The following EFNA5 variants were observed in gnomAD, a reference collection of about 807,000 sequenced individuals.
EFNA5 encodes ephrin A5.
A neutral mutation model predicts 22.9 loss-of-function variants in EFNA5; 5 were observed. The observed-to-expected ratio is 0.22, with a 90% CI of 0.11 to 0.46. The LOEUF (loss-of-function observed/expected upper bound fraction) is 0.46. Ranked by LOEUF, EFNA5 falls within the 20% of genes least tolerant of loss-of-function variation. The probability of loss-of-function intolerance (pLI) is 0.99; values close to 1 mark genes in which losing one functional copy is unlikely to be tolerated. For missense variants in EFNA5, 237 were observed against 293.3 expected (o/e 0.81, Z 1.40); for synonymous variants, 113 against 112.2 (o/e 1.01, Z -0.04).
chr5:107,482,179 G>A (rs181905553), intron 1 of EFNA5, among the ~76,000 whole-genome samples: 8 of 151,910 alleles, frequency 5.3e-5, no homozygotes, highest in East Asian at 1.9e-4. Context: ...GGTAGCATGC[G>A]CCTGTGGTCC....
At chr5:107,427,049 T>G in intron 2 of EFNA5, 168 bp downstream of exon 2, 1 of 703,716 alleles carries the variant, frequency 1.4e-6, no homozygotes, top group Non-Finnish European at 2.4e-6. Context: ...TAATCTAATT[T>G]GTGCTCTCAA....
At chr5:107,580,721 CAAAAAAA>C (rs56868732) in intron 1 of EFNA5, among the ~76,000 whole-genome samples, 4 of 83,668 alleles carry the variant, frequency 4.8e-5, no homozygotes, top group East Asian at 1.1e-3. Context: ...GACTCCATCT[CAAAAAAA>C]AAAAAAAAAA....
At chr5:107,578,937 T>A (rs1392343862) in intron 1 of EFNA5, among the ~76,000 whole-genome samples, 1 of 152,182 alleles carries the variant, frequency 6.6e-6, no homozygotes, top group Non-Finnish European at 1.5e-5. Flanking sequence ...TTGATCACAT[T>A]TGTATTTACA....
chr5:107,476,774 A>C (rs773488147), intron 1 of EFNA5, among the ~76,000 whole-genome samples: 1 of 150,060 alleles, frequency 6.7e-6, no homozygotes, highest in South Asian at 2.2e-4. Flanking sequence ...AGGAACATCC[A>C]AACTGTGTTG....
At chr5:107,565,909 G>A (rs168501) in intron 1 of EFNA5, among the ~76,000 whole-genome samples, 41,158 of 152,102 alleles carry the variant, frequency 0.27, 5,665 homozygotes, top group South Asian at 0.35. Context: ...TTTTACTTTA[G>A]CTGCTGCTTC....
At chr5:107,612,019 G>A (rs987605015) in intron 1 of EFNA5, among the ~76,000 whole-genome samples, 7 of 152,132 alleles carry the variant, frequency 4.6e-5, no homozygotes, top group South Asian at 4.1e-4. Context: ...AACATAGGAT[G>A]GAAAGTGGGA....
chr5:107,623,058 A>AAAAAAC (rs1750072180), intron 1 of EFNA5, among the ~76,000 whole-genome samples: 14 of 143,768 alleles, frequency 9.7e-5, no homozygotes, highest in African/African-American at 3.6e-4. Flanking sequence ...AAAAAAAAAA[A>AAAAAAC]GTTGAATACT....
intron 1 of EFNA5, among the ~76,000 whole-genome samples, chr5:107,601,678 C>T (rs1249416380): frequency 6.6e-6 from 1 of 152,182 alleles, no homozygotes; most frequent in African/African-American, 2.4e-5. Flanking sequence ...AGTGCAGTAA[C>T]TGAACACTTA....
intron 1 of EFNA5, among the ~76,000 whole-genome samples, chr5:107,446,195 A>AGTACAGTGCTTT (rs1749388890): frequency 6.6e-6 from 1 of 152,214 alleles, no homozygotes; most frequent in Non-Finnish European, 1.5e-5. Context: ...GATGACTAAA[A>AGTACAGTGCTTT]GTACAGTGCT....
At chr5:107,645,754 T>C (rs1217414806) in intron 1 of EFNA5, among the ~76,000 whole-genome samples, 5 of 152,184 alleles carry the variant, frequency 3.3e-5, no homozygotes, top group African/African-American at 9.7e-5. Flanking sequence ...GATTTGGAGA[T>C]TGCTAAAACA....
intron 2 of EFNA5, among the ~76,000 whole-genome samples, chr5:107,398,449 T>G (rs944304581): frequency 6.6e-6 from 1 of 152,244 alleles, no homozygotes; most frequent in Non-Finnish European, 1.5e-5. Flanking sequence ...GCAGGAGCCA[T>G]GCCAAGTTGT....
chr5:107,546,738 C>T (rs1194619208), intron 1 of EFNA5, among the ~76,000 whole-genome samples: 1 of 151,808 alleles, frequency 6.6e-6, no homozygotes, highest in Non-Finnish European at 1.5e-5. Context: ...AATACTGTGG[C>T]CATGCATCTT....
intron 1 of EFNA5, among the ~76,000 whole-genome samples, chr5:107,597,036 T>C (rs1163078763): frequency 1.3e-5 from 2 of 152,304 alleles, no homozygotes; most frequent in Non-Finnish European, 2.9e-5. Flanking sequence ...CTTCCTCACC[T>C]GTAAATTGAG....
At chr5:107,465,014 C>T (rs1337525127) in intron 1 of EFNA5, among the ~76,000 whole-genome samples, 9 of 151,708 alleles carry the variant, frequency 5.9e-5, no homozygotes, top group Non-Finnish European at 8.8e-5. Context: ...CGAGGAAGCA[C>T]GGCCTAAGGG....
At chr5:107,639,951 TTTAAG>T (rs1339079734) in intron 1 of EFNA5, among the ~76,000 whole-genome samples, 7 of 152,344 alleles carry the variant, frequency 4.6e-5, no homozygotes, top group African/African-American at 1.4e-4. Context: ...AAAAAAATTG[TTTAAG>T]TTATTTATGT....
intron 2 of EFNA5, among the ~76,000 whole-genome samples, chr5:107,391,731 C>T (rs1391727315): frequency 2.0e-5 from 3 of 152,180 alleles, no homozygotes; most frequent in African/African-American, 7.2e-5. Flanking sequence ...TGTCCCATTC[C>T]ATTATCTTAA....
At chr5:107,486,402 C>A (rs1746621205) in intron 1 of EFNA5, among the ~76,000 whole-genome samples, 1 of 152,142 alleles carries the variant, frequency 6.6e-6, no homozygotes, top group African/African-American at 2.4e-5. Context: ...AAACAAGACA[C>A]ACCCATAAGA....
intron 1 of EFNA5, among the ~76,000 whole-genome samples, chr5:107,595,445 C>A (rs1361069381): frequency 6.6e-6 from 1 of 151,594 alleles, no homozygotes; most frequent in Non-Finnish European, 1.5e-5. Flanking sequence ...CTTAAATATA[C>A]CATTAATATG....
chr5:107,658,109 T>C (rs1750868876), intron 1 of EFNA5, among the ~76,000 whole-genome samples: 5 of 152,170 alleles, frequency 3.3e-5, no homozygotes, highest in Admixed American at 3.3e-4. Context: ...CCATTGAAAT[T>C]ACAGGCTCCT....
Sources: gnomAD v4.1 joint callset for allele counts (sites outside exome capture counted in the v4.1 genomes callset) on GRCh38, gnomAD v4.1.1 for gene constraint, MANE v1.5 for transcripts, NCBI Gene and HGNC (gene_info 2026-07-23, HGNC 2026-07-21) for gene names.